MS4A12: variants seen among roughly 807,000 people sequenced by gnomAD.
MS4A12 encodes membrane-spanning 4-domains subfamily A member 12.
MS4A12 carries 28 observed loss-of-function variants against 23.7 expected under a neutral mutation model. The ratio of observed to expected loss-of-function variants is 1.18; its 90% CI spans 0.88 to 1.62. The LOEUF (loss-of-function observed/expected upper bound fraction) is 1.62, where lower values mean the gene tolerates loss of function less well. Ranked by LOEUF, MS4A12 falls within the 40% of genes most tolerant of loss-of-function variation. The probability of loss-of-function intolerance (pLI) is 0.00; values close to 1 mark genes in which losing one functional copy is unlikely to be tolerated. For synonymous variants in MS4A12, 108 were observed against 110.1 expected, an observed-to-expected ratio of 0.98 and a Z score of 0.12; for missense variants, 342 against 327.0, an observed-to-expected ratio of 1.05 and a Z score of -0.35.
intron 2 of MS4A12, among the ~76,000 whole-genome samples, chr11:60,498,626 G>A (rs569174720): frequency 4.9e-4 from 75 of 152,290 alleles, no homozygotes; most frequent in Non-Finnish European, 7.2e-4. Flanking sequence ...GGGGAAATCA[G>A]ACTGTATACA....
At position 60,507,177 on chromosome 11, in the gene MS4A12, A is replaced by G. The variant is rs945951961; in HGVS notation, c.*53A>G. ...CTCATGGAGAAAAACTACTTGCAAA[A>G]ACTTCTTAAGAAGATGTCTTTTATT... On this transcript the variant is annotated 3_prime_UTR_variant, in exon 7 of 7. Transcript: ENST00000016913. The G allele has an allele frequency of 1.1e-5, 15 of 1,373,442 alleles. No homozygotes were observed. Among genetic ancestry groups the G allele is most frequent in the Non-Finnish European group, 1.6e-5 (15 of 967,276 alleles). 85.1% of individuals were successfully genotyped at this position (1,373,442 alleles called of 1,614,324 possible). A position where few individuals can be genotyped will look rare whatever the true frequency, so the allele number is the denominator to read the frequency against.
chr11:60,499,014 G>A (rs2135229529), intron 2 of MS4A12, among the ~76,000 whole-genome samples: 1 of 152,328 alleles, frequency 6.6e-6, no homozygotes, highest in South Asian at 2.1e-4. Context: ...GGCTTTGACT[G>A]GGTGGATGAG....
rs147819793 is a variant in MS4A12, at chr11:60,506,753, C to T, written c.614C>T (p.Thr205Met). The T allele has an allele frequency of 1.3e-4, 210 of 1,614,150 alleles. 1 individual carries two copies. The highest frequency in any genetic ancestry group is 8.2e-4 in the Middle Eastern group (5 of 6,062). ...CTTTCTGGAAAAGGCATTTCAGCCA[C>T]GCTGATGATCTTCTCCCTCTTGGAG... is the stretch of plus-strand genomic sequence containing the variant. ...AVLSGKGISA[T>M]LMIFSLLEFF... Residue 205 changes from threonine (T) to methionine (M), a missense_variant, in exon 6 of 7, where the codon ACG becomes ATG. Transcript: ENST00000016913.
intron 5 of MS4A12, among the ~76,000 whole-genome samples, chr11:60,505,497 C>T (rs2086563702): frequency 7.1e-6 from 1 of 140,018 alleles, no homozygotes; most frequent in South Asian, 2.5e-4. Context: ...CTCCAAAATA[C>T]CAAACAAAAG....
intron 1 of MS4A12, among the ~76,000 whole-genome samples, chr11:60,493,756 T>C (rs1388400968): frequency 2.0e-5 from 3 of 152,228 alleles, no homozygotes; most frequent in Non-Finnish European, 4.4e-5. Context: ...TTGAAAATAA[T>C]AATCATCTTC....
intron 5 of MS4A12, among the ~76,000 whole-genome samples, 168 bp from the exon 6 acceptor site, chr11:60,506,560 C>CA (rs1194598290): frequency 6.6e-6 from 1 of 152,038 alleles, no homozygotes; most frequent in Non-Finnish European, 1.5e-5. Context: ...AAAGAAAATC[C>CA]AAAATAAATT....
chr11:60,494,603 C>A (rs940127671), intron 1 of MS4A12, among the ~76,000 whole-genome samples: 4 of 152,146 alleles, frequency 2.6e-5, no homozygotes, highest in African/African-American at 4.8e-5. Flanking sequence ...AGATAGAATA[C>A]CTTGGGATCT....
intron 1 of MS4A12, among the ~76,000 whole-genome samples, chr11:60,494,873 G>A (rs2086475926): frequency 1.3e-5 from 2 of 152,166 alleles, no homozygotes; most frequent in African/African-American, 2.4e-5. Context: ...TCCATAGGAT[G>A]TATAACCTCA....
At chr11:60,493,362 G>C (rs2086463563) in intron 1 of MS4A12, among the ~76,000 whole-genome samples, 1 of 139,500 alleles carries the variant, frequency 7.2e-6, no homozygotes, top group Non-Finnish European at 1.5e-5. Context: ...GGTGACAAGA[G>C]TGAAACTCCA....
chr11:60,498,565 T>C (rs7928551), intron 2 of MS4A12, among the ~76,000 whole-genome samples: 87,023 of 152,028 alleles, frequency 0.57, 25,069 homozygotes, highest in East Asian at 0.65. Flanking sequence ...GGAATATCAT[T>C]AAGCACAAAG....
At chr11:60,504,541 G>A (rs2086556718) in intron 5 of MS4A12, among the ~76,000 whole-genome samples, 1 of 152,094 alleles carries the variant, frequency 6.6e-6, no homozygotes, top group Non-Finnish European at 1.5e-5. Flanking sequence ...TTTTATGTTG[G>A]GGTTGGTTTT....
At chr11:60,499,436 C>T (rs750906875) in intron 2 of MS4A12, among the ~76,000 whole-genome samples, 6 of 152,156 alleles carry the variant, frequency 3.9e-5, no homozygotes, top group South Asian at 2.1e-4. Flanking sequence ...TGTGACCAGA[C>T]GGCTGAATTG....
intron 3 of MS4A12, 29 bp downstream of exon 3, chr11:60,501,211 T>A: frequency 2.6e-6 from 4 of 1,566,304 alleles, no homozygotes; most frequent in Non-Finnish European, 3.4e-6. Flanking sequence ...CACCAGTCCT[T>A]CTTGGTTTAT....
At chr11:60,501,690 A>AT (rs2086531720) in intron 3 of MS4A12, among the ~76,000 whole-genome samples, 1 of 152,172 alleles carries the variant, frequency 6.6e-6, no homozygotes, top group Non-Finnish European at 1.5e-5. Context: ...CTCTAAAAAA[A>AT]TTTTTTAATT....
rs1159195974 is a variant in MS4A12, at chr11:60,499,531, A to G, written c.277-1514A>G. Among the ~76,000 whole-genome samples the G allele has an allele frequency of 2.6e-5, 4 of 152,344 alleles. No individual in the cohort carries two copies. The East Asian group carries it at 7.7e-4, about 29-fold the overall frequency. Reference sequence around the variant, plus strand: ...TGAGATAGGCTAAACGTGGCCCATCATCTCTCTGAAGCTATAAGCAAAAGT... The same window carrying G: ...TGAGATAGGCTAAACGTGGCCCATCGTCTCTCTGAAGCTATAAGCAAAAGT... On this transcript the variant is annotated intron_variant, in intron 2 of 6. Coordinates refer to ENST00000016913, the MANE Select transcript of MS4A12 (RefSeq NM_017716.3).
chr11:60,500,613 T>C (rs1044966317), intron 2 of MS4A12, among the ~76,000 whole-genome samples: 1 of 152,244 alleles, frequency 6.6e-6, no homozygotes, highest in Non-Finnish European at 1.5e-5. Flanking sequence ...AATTCATGCC[T>C]AATAAATGGT....
chr11:60,503,632 A>G, intron 4 of MS4A12, 69 bp from the exon 5 acceptor site: 1 of 1,210,908 alleles, frequency 8.3e-7, no homozygotes. Flanking sequence ...ATGAAATTTG[A>G]TTGATTCTTA....
rs936582018 is a variant in MS4A12 at position 60,497,502 on chromosome 11, A to G, written c.184A>G (p.Ser62Gly). Residue 62 changes from serine to glycine, a missense_variant, in exon 2 of 7, where the codon AGC becomes GGC. Ser to Gly is a moderately conservative substitution (Grantham distance 56). Transcript: ENST00000016913. ...YGITSPGIFA[S>G]SQPGQGNIQM... ...CATCACATCTCCGGGAATCTTTGCT[A>G]GCAGTCAACCGGGTCAAGGAAATAT... 9.9e-6 allele frequency: 16 copies of G among 1,614,044 alleles called. No homozygotes were observed. Among genetic ancestry groups the G allele is most frequent in the Non-Finnish European group, 1.4e-5 (16 of 1,180,000 alleles).
chr11:60,503,599 T>C (rs1268161725), intron 4 of MS4A12, 102 bp from the exon 5 acceptor site: 12 of 973,942 alleles, frequency 1.2e-5, no homozygotes, highest in East Asian at 2.5e-5. Flanking sequence ...AAAATTGTTT[T>C]GAAAGTTCAA....
Sources: gnomAD v4.1 joint callset for allele counts (sites outside exome capture counted in the v4.1 genomes callset) on GRCh38, gnomAD v4.1.1 for gene constraint, MANE v1.5 for transcripts, NCBI Gene and HGNC (gene_info 2026-07-23, HGNC 2026-07-21) for gene names.